Variants in CLIC4 observed in about 807,000 individuals in gnomAD.
The protein encoded by CLIC4 is CLIC family member 4.
CLIC4 carries 13 observed loss-of-function variants against 24.6 expected under a neutral mutation model. That is an observed-to-expected ratio of 0.53 (90% CI 0.34 to 0.84). The LOEUF is 0.84. Ranked by LOEUF, CLIC4 falls within the 40% of genes least tolerant of loss-of-function variation. The pLI is 0.01. For missense variants in CLIC4, 227 were observed against 301.7 expected, an observed-to-expected ratio of 0.75 and a Z score of 1.83; for synonymous variants, 104 against 111.3, an observed-to-expected ratio of 0.93 and a Z score of 0.41.
chr1:24,777,413 A>G (rs909478953), intron 1 of CLIC4, among the ~76,000 whole-genome samples: 1 of 152,070 alleles, frequency 6.6e-6, no homozygotes, highest in Non-Finnish European at 1.5e-5. Context: ...GCGTGGTGGC[A>G]TGTGCCTGTA....
At chr1:24,816,765 G>A (rs1639675579) in intron 3 of CLIC4, among the ~76,000 whole-genome samples, 2 of 152,188 alleles carry the variant, frequency 1.3e-5, no homozygotes. Flanking sequence ...GTTCTGGGGG[G>A]ACTAGTGCAT....
At chr1:24,781,106 GAA>G (rs1639199024) in intron 1 of CLIC4, among the ~76,000 whole-genome samples, 1 of 129,340 alleles carries the variant, frequency 7.7e-6, no homozygotes, top group African/African-American at 2.8e-5. Flanking sequence ...AAAAAAAAAA[GAA>G]AGAAATTGAA....
chr1:24,792,197 A>T (rs1260082574), intron 1 of CLIC4, among the ~76,000 whole-genome samples: 1 of 151,380 alleles, frequency 6.6e-6, no homozygotes, highest in Non-Finnish European at 1.5e-5. Flanking sequence ...TATAATATAT[A>T]TATTTTAAAT....
In CLIC4 at chr1:24,745,636, G is replaced by T; in HGVS notation, c.72+11G>T. The T allele has an allele frequency of 6.5e-7, 1 of 1,545,506 alleles. No individual in the cohort carries two copies. Among genetic ancestry groups the T allele is most frequent in the South Asian group, 1.2e-5 (1 of 82,856 alleles). On this transcript the variant is annotated intron_variant, in intron 1 of 5. Transcript: ENST00000374379. ...GAGCTCTTCGTCAAGGTGAGCGCTC[G>T]CCTCGCGGTCCCGCCCGGCAGATCC...
At chr1:24,751,090 C>T (rs983167513) in intron 1 of CLIC4, among the ~76,000 whole-genome samples, 1 of 152,050 alleles carries the variant, frequency 6.6e-6, no homozygotes, top group Admixed American at 6.6e-5. Flanking sequence ...ACTGAGATCC[C>T]GATGGTTGGA....
At chr1:24,822,645 T>G (rs1639747297) in intron 3 of CLIC4, among the ~76,000 whole-genome samples, 1 of 152,162 alleles carries the variant, frequency 6.6e-6, no homozygotes, top group African/African-American at 2.4e-5. Flanking sequence ...CCTTACTTAA[T>G]TCAGTGAATG....
At chr1:24,772,686 A>G (rs1344228683) in intron 1 of CLIC4, among the ~76,000 whole-genome samples, 2 of 152,154 alleles carry the variant, frequency 1.3e-5, no homozygotes, top group African/African-American at 4.8e-5. Flanking sequence ...GGGTTTCACC[A>G]TCTTGGCCAG....
Position 24,840,190 on chromosome 1 carries a change from G to A in CLIC4, c.597+149G>A, listed in dbSNP as rs1639928275. Reference sequence around the variant, plus strand: ...TAGGCAATAGTTGAAGCACCCTAGAGTTAGTTAAATGGAAAATTATGTCTT... The same window carrying A: ...TAGGCAATAGTTGAAGCACCCTAGAATTAGTTAAATGGAAAATTATGTCTT... On this transcript the variant is annotated intron_variant, in intron 5 of 5. Transcript: ENST00000374379. 6 of 629,044 alleles carry A rather than the reference G, an allele frequency of 9.5e-6. No individual in the cohort carries two copies. In the Admixed American group the frequency reaches 1.6e-4, roughly 16 times the overall value. 39.0% of individuals were successfully genotyped at this position (629,044 alleles called of 1,614,324 possible).
In CLIC4 at chr1:24,745,513, GC is replaced by G; in HGVS notation, c.-40del. 1 of 1,542,308 alleles carries G rather than the reference GC, an allele frequency of 6.5e-7. No individual in the cohort carries two copies. Among genetic ancestry groups the G allele is most frequent in the East Asian group, 2.5e-5 (1 of 40,462 alleles). ...TCCCGGAGCAGAAGCAGCAGCAGCA[GC>G]AGCAGCCCTCGCCGTTCGCGGAGCG... On this transcript the variant is annotated 5_prime_UTR_variant, in exon 1 of 6. Transcript: ENST00000374379.
chr1:24,840,097 A>T, intron 5 of CLIC4, 56 bp downstream of exon 5: 1 of 1,493,964 alleles, frequency 6.7e-7, no homozygotes, highest in Non-Finnish European at 9.1e-7. Context: ...TATTTACTAA[A>T]GTGGCATTTC....
intron 1 of CLIC4, among the ~76,000 whole-genome samples, chr1:24,778,291 C>T (rs1486875506): frequency 6.6e-6 from 1 of 152,156 alleles, no homozygotes; most frequent in East Asian, 1.9e-4. Context: ...GTTTCCTCAT[C>T]TGAAACTCAT....
chr1:24,775,032 C>G (rs1639116689), intron 1 of CLIC4, among the ~76,000 whole-genome samples: 2 of 151,180 alleles, frequency 1.3e-5, no homozygotes, highest in African/African-American at 4.9e-5. Context: ...GATCACACCA[C>G]TGTATTCCAG....
intron 1 of CLIC4, among the ~76,000 whole-genome samples, chr1:24,751,439 C>T (rs1638775024): frequency 6.6e-6 from 1 of 151,522 alleles, no homozygotes; most frequent in Non-Finnish European, 1.5e-5. Context: ...CGGGGTTTCA[C>T]TATGTTGGCC....
At chr1:24,805,102 AAAAC>A (rs1179129885) in intron 2 of CLIC4, among the ~76,000 whole-genome samples, 84 of 139,998 alleles carry the variant, frequency 6.0e-4, no homozygotes, top group Non-Finnish European at 7.5e-4. Context: ...AAAAAAAAAA[AAAAC>A]ACAAAAACAA....
intron 1 of CLIC4, among the ~76,000 whole-genome samples, chr1:24,766,713 C>T (rs1321405208): frequency 2.0e-5 from 3 of 150,802 alleles, no homozygotes; most frequent in Non-Finnish European, 4.4e-5. Flanking sequence ...GCTATGTTGG[C>T]CAGGCTAGTC....
intron 1 of CLIC4, among the ~76,000 whole-genome samples, chr1:24,782,540 ATATC>A (rs1639217114): frequency 6.6e-6 from 1 of 152,310 alleles, no homozygotes; most frequent in East Asian, 1.9e-4. Context: ...TAAAAGATTG[ATATC>A]TATCTGCTCT....
chr1:24,775,224 C>CTTTTTTTTTTTTTTTTTTTTCTTT, intron 1 of CLIC4, among the ~76,000 whole-genome samples: 6 of 90,662 alleles, frequency 6.6e-5, no homozygotes, highest in Admixed American at 1.3e-4. Context: ...TTCTTTCTTT[C>CTTTTTTTTTTTTTTTTTTTTCTTT]TTTTTTTTTT....
At chr1:24,785,587 C>T (rs547591001) in intron 1 of CLIC4, among the ~76,000 whole-genome samples, 4 of 152,262 alleles carry the variant, frequency 2.6e-5, no homozygotes, top group Admixed American at 2.6e-4. Flanking sequence ...GGCGCGGCGG[C>T]TCACGCCTGT....
chr1:24,805,690 T>A lies in CLIC4; in HGVS notation c.182+7839T>A, dbSNP rs540179539. On this transcript the variant is annotated intron_variant, in intron 2 of 5. Transcript: ENST00000374379. ...GTCAACTTGTTACAGATGGGTCATC[T>A]TCAAGAGCCAGCTCCGGTGTTCTCT... Among the ~76,000 whole-genome samples the A allele has an allele frequency of 1.2e-4, 18 of 152,304 alleles. No individual in the cohort carries two copies. The East Asian group carries it at 2.3e-3, about 20-fold the overall frequency.
Sources: allele counts gnomAD v4.1 joint callset (sites outside exome capture counted in the v4.1 genomes callset), GRCh38; gene constraint gnomAD v4.1.1; transcripts MANE v1.5; gene names NCBI Gene and HGNC (gene_info 2026-07-23, HGNC 2026-07-21).